Variants in LRRC56 observed in about 807,000 individuals in gnomAD.
The protein encoded by LRRC56 is leucine-rich repeat-containing protein 56.
Under a neutral mutation model 47.8 loss-of-function variants are expected in LRRC56, and 41 were observed. The ratio of observed to expected loss-of-function variants is 0.86; its 90% confidence interval spans 0.67 to 1.11. LRRC56 has a LOEUF of 1.11. LRRC56 is among the 50% of genes most tolerant of loss of function. The pLI is 0.00. For missense variants in LRRC56, 759 were observed against 704.2 expected (o/e 1.08, Z -0.88); for synonymous variants, 387 against 311.2 (o/e 1.24, Z -2.56).
upstream of LRRC56, chr11:533,620 G>A (rs1057522962): frequency 1.2e-5 from 19 of 1,613,594 alleles, no homozygotes; most frequent in African/African-American, 2.7e-5. Flanking sequence ...TCCCTGAGAG[G>A]TGGAAAGCGA....
upstream of LRRC56, chr11:533,464 T>A (rs1432150876): frequency 1.2e-6 from 2 of 1,613,142 alleles, no homozygotes; most frequent in Non-Finnish European, 1.7e-6. Context: ...TGCCGGGTCT[T>A]GGCCGAGGTC....
At chr11:523,033 T>C in the LRRC56 span, among the ~76,000 whole-genome samples, 1 of 152,242 alleles carries the variant, frequency 6.6e-6, no homozygotes, top group East Asian at 1.9e-4. Context: ...TATAGTTTTT[T>C]GTTTTGTTTT....
chr11:514,601 G>GT, the LRRC56 span, among the ~76,000 whole-genome samples: 4 of 147,706 alleles, frequency 2.7e-5, no homozygotes, highest in African/African-American at 1.0e-4. Flanking sequence ...ATTATTTATT[G>GT]TTTTTTTGGT....
the LRRC56 span, among the ~76,000 whole-genome samples, chr11:522,831 C>G: frequency 1.3e-5 from 2 of 152,144 alleles, no homozygotes; most frequent in African/African-American, 4.8e-5. Flanking sequence ...TCACTGCAAC[C>G]GTCACTTCTT....
At chr11:549,869 C>T (rs1364531446) in intron 6 of LRRC56, 33 bp from the exon 7 acceptor site, 35 of 1,586,126 alleles carry the variant, frequency 2.2e-5, no homozygotes, top group Non-Finnish European at 3.0e-5. Flanking sequence ...CAGGGCTGGG[C>T]ACATGTTGAC....
the LRRC56 span, among the ~76,000 whole-genome samples, chr11:517,174 C>T: frequency 6.6e-6 from 1 of 152,268 alleles, no homozygotes; most frequent in Non-Finnish European, 1.5e-5. Context: ...GGCTGGAGCG[C>T]AGTGGCGTGA....
At chr11:537,506 C>G (rs1227664837), upstream of LRRC56, 1 of 152,284 alleles carries the variant, frequency 6.6e-6, no homozygotes, top group Non-Finnish European at 1.5e-5. Context: ...CGCAACCCCG[C>G]GGCGGCCGGA....
rs201879865 is a variant in LRRC56 at position 541,554 on chromosome 11, G to A, written c.195G>A (p.Val65=). 1.7e-5 allele frequency: 27 copies of A among 1,581,224 alleles called. No individual in the cohort carries two copies. The highest frequency in any genetic ancestry group is 3.3e-4 in the Middle Eastern group (2 of 6,000). Residue 65 remains valine, a synonymous_variant, in exon 5 of 14, where the codon GTG becomes GTA. Transcript: ENST00000270115. This position sits in a 1 kb window ranked among gnomAD's most constrained non-coding sequence, Gnocchi z 4.1. ...SPARLQALAR[V]DDLRLVRTLE... ...TTCTACAGCAGGCCCTGGCCCGGGT[G>A]GATGACCTTCGGCTGGTGAGGACGC...
chr11:519,040 G>T, the LRRC56 span, among the ~76,000 whole-genome samples: 5 of 150,902 alleles, frequency 3.3e-5, no homozygotes, highest in African/African-American at 1.2e-4. Context: ...AGCCGCGAGG[G>T]CAGCTCCCGT....
the LRRC56 span, among the ~76,000 whole-genome samples, chr11:525,574 C>T: frequency 6.6e-6 from 1 of 150,528 alleles, no homozygotes; most frequent in Non-Finnish European, 1.5e-5. Flanking sequence ...ATCTCAAAAA[C>T]ATAACCAAAT....
At chr11:540,890 A>C (rs1198144374) in intron 4 of LRRC56, 29 bp downstream of exon 4, 2 of 1,506,276 alleles carry the variant, frequency 1.3e-6, no homozygotes, top group Non-Finnish European at 8.9e-7. Flanking sequence ...GGCTGTGGCC[A>C]CAGAGGCCTC....
upstream of LRRC56, chr11:532,906 G>C (rs1005954332): frequency 1.1e-5 from 9 of 815,212 alleles, no homozygotes; most frequent in African/African-American, 1.5e-4. Flanking sequence ...CGGGAAGCTG[G>C]ACTCTGGCCA....
rs1851640394 is a variant in LRRC56 at position 538,747 on chromosome 11, A to G, written c.-272A>G. ...TGCCTGTTCACGGATTCCTTCGACA[A>G]ATATTTGAGCATCCCCTCCTGCGAC... On this transcript the variant is annotated 5_prime_UTR_variant, in exon 2 of 14. Transcript: ENST00000270115. The G allele has an allele frequency of 6.6e-6, 1 of 152,320 alleles. No homozygotes were observed. Among genetic ancestry groups the G allele is most frequent in the Admixed American group, 6.5e-5 (1 of 15,284 alleles). The allele number at this position is 152,320 out of a possible 1,614,324, so 9.4% of individuals were successfully genotyped here.
chr11:513,154 C>T, the LRRC56 span, among the ~76,000 whole-genome samples: 3 of 152,214 alleles, frequency 2.0e-5, no homozygotes, highest in African/African-American at 7.2e-5. Context: ...TTTTGTTTTT[C>T]TTTCGAGACA....
At chr11:526,435 G>T in the LRRC56 span, among the ~76,000 whole-genome samples, 1 of 152,092 alleles carries the variant, frequency 6.6e-6, no homozygotes, top group Admixed American at 6.6e-5. Context: ...CCGGCACGCT[G>T]GACAGTCAGG....
At chr11:525,270 T>G in the LRRC56 span, among the ~76,000 whole-genome samples, 1 of 151,360 alleles carries the variant, frequency 6.6e-6, no homozygotes, top group African/African-American at 2.4e-5. Flanking sequence ...CCAGGCACGG[T>G]GGCTCACGCC....
At chr11:543,108 T>A (rs1851884885) in intron 5 of LRRC56, among the ~76,000 whole-genome samples, 1 of 151,542 alleles carries the variant, frequency 6.6e-6, no homozygotes. Flanking sequence ...GCCAGGCTGG[T>A]CTTGAACTCC....
intron 11 of LRRC56, 23 bp downstream of exon 11, chr11:551,990 C>T (rs771391392): frequency 1.2e-6 from 2 of 1,612,166 alleles, no homozygotes; most frequent in Non-Finnish European, 1.7e-6. Context: ...GGGACCAGCC[C>T]CCCACGAGAA....
chr11:513,459 A>G, the LRRC56 span, among the ~76,000 whole-genome samples: 1 of 152,178 alleles, frequency 6.6e-6, no homozygotes, highest in Non-Finnish European at 1.5e-5. Context: ...GCACCCAGCA[A>G]AAGTGCTTTC....
Sources: allele counts gnomAD v4.1 joint callset (sites outside exome capture counted in the v4.1 genomes callset), GRCh38; gene constraint gnomAD v4.1.1; non-coding constraint Gnocchi (gnomAD v3.1); transcripts MANE v1.5; gene names NCBI Gene and HGNC (gene_info 2026-07-23, HGNC 2026-07-21).